NUMA1: variants seen among roughly 807,000 people sequenced by gnomAD.
NUMA1 encodes nuclear mitotic apparatus protein 1.
Under a neutral mutation model 237.1 loss-of-function variants are expected in NUMA1, and 62 were observed. That is an observed-to-expected ratio of 0.26 (90% CI 0.21 to 0.32). The LOEUF (loss-of-function observed/expected upper bound fraction) is 0.32, where lower values mean the gene tolerates loss of function less well. NUMA1 is among the 10% of genes least tolerant of loss of function. The pLI is 1.00. For synonymous variants in NUMA1, 1,028 were observed against 1,066.1 expected, an observed-to-expected ratio of 0.96 and a Z score of 0.70; for missense variants, 2,533 against 2,666.5, an observed-to-expected ratio of 0.95 and a Z score of 1.10.
chr11:72,064,748 G>A (rs555565788), intron 2 of NUMA1, among the ~76,000 whole-genome samples: 1 of 152,126 alleles, frequency 6.6e-6, no homozygotes, highest in African/African-American at 2.4e-5. Flanking sequence ...TAGGAGGATT[G>A]CTTGAGCCCA....
At chr11:72,024,434 T>G in intron 4 of NUMA1, 81 bp from the exon 5 acceptor site, 2 of 1,184,150 alleles carry the variant, frequency 1.7e-6, no homozygotes, top group Non-Finnish European at 2.5e-6. Context: ...TACCTCCCCA[T>G]TCCTTCCAGT....
intron 2 of NUMA1, chr11:72,049,451 G>A (rs1447680619): frequency 3.3e-5 from 5 of 149,952 alleles, no homozygotes; most frequent in African/African-American, 9.8e-5. Context: ...GCTCATGCTT[G>A]TAATCCCGGC....
chr11:72,038,464 C>T (rs565356281), intron 2 of NUMA1, among the ~76,000 whole-genome samples: 7 of 152,310 alleles, frequency 4.6e-5, no homozygotes, highest in African/African-American at 1.7e-4. Flanking sequence ...GAGGTACTTT[C>T]CTAGAGACAG....
chr11:72,060,442 G>A (rs541998501), intron 2 of NUMA1, among the ~76,000 whole-genome samples: 23 of 152,174 alleles, frequency 1.5e-4, no homozygotes, highest in Admixed American at 3.3e-4. Flanking sequence ...CCAGGAGTTC[G>A]AGACCAACCT....
In NUMA1 at chr11:72,036,099, A is replaced by C. The variant is rs989642090; in HGVS notation, c.-32-124T>G. On this transcript the variant is annotated intron_variant, in intron 2 of 26. Coordinates refer to ENST00000393695, the MANE Select transcript of NUMA1 (RefSeq NM_006185.4). ...AAATCACTCTTCACTGAATCCACCA[A>C]GACACCATGGGAATTTTTAGAAAGC... 4.3e-6 allele frequency: 3 copies of C among 702,310 alleles called. No homozygotes were observed. The African/African-American group carries it at 5.4e-5, about 13-fold the overall frequency. The allele number at this position is 702,310 out of a possible 1,614,324, so 43.5% of individuals were successfully genotyped here. A position where few individuals can be genotyped will look rare whatever the true frequency, so the allele number is the denominator to read the frequency against.
intron 2 of NUMA1, among the ~76,000 whole-genome samples, chr11:72,049,823 T>TA (rs1942242025): frequency 6.7e-6 from 1 of 150,176 alleles, no homozygotes; most frequent in Admixed American, 6.7e-5. Context: ...ACCCTGTCTC[T>TA]AAAAAAATAA....
At chr11:72,022,869 G>C (rs1555019428) in intron 6 of NUMA1, among the ~76,000 whole-genome samples, 196 bp downstream of exon 6, 1 of 151,894 alleles carries the variant, frequency 6.6e-6, no homozygotes, top group Non-Finnish European at 1.5e-5. Context: ...TAAGATCATG[G>C]GCTCCTAGAA....
chr11:72,005,152 T>C, intron 23 of NUMA1, 81 bp downstream of exon 23: 2 of 1,421,082 alleles, frequency 1.4e-6, no homozygotes, highest in South Asian at 1.4e-5. Context: ...TCCAGGGCCC[T>C]AGTGCTCAGG....
chr11:72,013,207 G>A lies in NUMA1; in HGVS notation c.4296C>T (p.Ser1432=). 6.2e-7 allele frequency: 1 copy of A among 1,610,924 alleles called. No individual in the cohort carries two copies. Among genetic ancestry groups the A allele is most frequent in the East Asian group, 2.2e-5 (1 of 44,878 alleles). Residue 1432 remains serine (S), a synonymous_variant, in exon 15 of 27, where the codon AGC becomes AGT. Coordinates refer to ENST00000393695, the MANE Select transcript of NUMA1 (RefSeq NM_006185.4). The surrounding 1 kb of genome is among the most constrained non-coding windows in gnomAD (Gnocchi z 6.8). ...TAQQLRAEKA[S]YAEQLSMLKK... ...TCAGCATGCTCAGCTGCTCTGCATAGCTGGCCTTCTCTGCCCGCAGCTGCT... is the reference window on the plus strand; with the variant it reads ...TCAGCATGCTCAGCTGCTCTGCATAACTGGCCTTCTCTGCCCGCAGCTGCT...
intron 1 of NUMA1, among the ~76,000 whole-genome samples, chr11:72,077,905 C>T (rs1276854038): frequency 6.7e-6 from 1 of 149,720 alleles, no homozygotes; most frequent in Non-Finnish European, 1.5e-5. Flanking sequence ...ACTGGACAAA[C>T]ATCTGAAGGA....
In NUMA1 at chr11:72,019,735, A is replaced by G. The variant is rs1371654270; in HGVS notation, c.461-118T>C. 2.7e-6 allele frequency: 3 copies of G among 1,101,104 alleles called. No individual in the cohort carries two copies. In the African/African-American group the frequency reaches 4.7e-5, roughly 17 times the overall value. 68.2% of individuals were successfully genotyped at this position (1,101,104 alleles called of 1,614,324 possible). On this transcript the variant is annotated intron_variant, in intron 8 of 26. Transcript: ENST00000393695. ...TGGGAGTATATCCATGGATACTTAT[A>G]TGTAAACTACCAAGGAAGGCACTGG...
chr11:72,015,974 A>T lies in NUMA1; in HGVS notation c.1529T>A (p.Leu510His). 1 of 1,613,978 alleles carries T rather than the reference A, an allele frequency of 6.2e-7. No homozygotes were observed. The highest frequency in any genetic ancestry group is 8.5e-7 in the Non-Finnish European group (1 of 1,180,006). The stretch of plus-strand genomic sequence containing the variant: ...ATCCTGTTGCTGGATGGTGGCATTG[A>T]GTGTGGTGAGCTCAGAGGTCAGAGA... ...VASLTSELTT[L>H]NATIQQQDQE... The change falls in exon 15 of 27, where the codon CTC becomes CAC. Residue 510 changes from leucine to histidine, a missense_variant. Around this residue, in one of 3 missense-constraint regions of NUMA1, gnomAD observed 1,414 missense variants for 1,508.1 expected, o/e 0.94. Transcript: ENST00000393695. The surrounding 1 kb of genome is among the most constrained non-coding windows in gnomAD (Gnocchi z 4.0).
At chr11:72,005,526 C>T in intron 22 of NUMA1, 157 bp from the exon 23 acceptor site, 1 of 645,202 alleles carries the variant, frequency 1.5e-6, no homozygotes, top group South Asian at 2.0e-5. Context: ...GTACGGCACA[C>T]AGACTATTTC....
chr11:72,005,309 T>A lies in NUMA1; in HGVS notation c.5753A>T (p.Asn1918Ile). The A allele has an allele frequency of 6.2e-7, 1 of 1,608,430 alleles. No homozygotes were observed. The highest frequency in any genetic ancestry group is 8.5e-7 in the Non-Finnish European group (1 of 1,177,440). ...GCGCTGCTGCAGCTCTGCAATGCGGTTCCAGTCATCCAGCTGCTCAGGCTC... is the reference window on the plus strand; with the variant it reads ...GCGCTGCTGCAGCTCTGCAATGCGGATCCAGTCATCCAGCTGCTCAGGCTC... ...QDEPEQLDDW[N>I]RIAELQQRNR... is the part of the protein sequence containing the mutation. The change falls in exon 23 of 27, where the codon AAC becomes ATC. Residue 1918 changes from asparagine (N) to isoleucine (I), a missense_variant. By Grantham distance (149) the Asn-to-Ile change is moderately radical (BLOSUM62 -3). Transcript: ENST00000393695.
intron 2 of NUMA1, among the ~76,000 whole-genome samples, chr11:72,064,690 G>T (rs989088817): frequency 1.3e-5 from 2 of 151,926 alleles, no homozygotes; most frequent in Non-Finnish European, 2.9e-5. Flanking sequence ...AAAATTAGCC[G>T]GGCATGGTGG....
intron 2 of NUMA1, among the ~76,000 whole-genome samples, chr11:72,064,732 C>T (rs938927312): frequency 2.6e-5 from 4 of 152,212 alleles, no homozygotes; most frequent in East Asian, 1.9e-4. Context: ...ATTTGGGAGG[C>T]TGAGGTAGGA....
chr11:72,013,127 T>C lies in NUMA1; in HGVS notation c.4376A>G (p.Asn1459Ser). The C allele has an allele frequency of 6.2e-7, 1 of 1,614,132 alleles. No homozygotes were observed. Residue 1459 changes from asparagine (N) to serine (S), a missense_variant, in exon 15 of 27, where the codon AAC becomes AGC. Transcript: ENST00000393695. The surrounding 1 kb of genome is among the most constrained non-coding windows in gnomAD (Gnocchi z 6.8). The part of the protein sequence containing the change: ...EENRGLGERA[N>S]LGRQFLEVEL... ...CACTTCCAGAAACTGCCGGCCAAGG[T>C]TGGCCCGCTCACCCAGCCCCCGGTT...
intron 2 of NUMA1, among the ~76,000 whole-genome samples, chr11:72,056,052 G>A (rs1942619942): frequency 6.6e-6 from 1 of 151,836 alleles, no homozygotes; most frequent in Admixed American, 6.6e-5. Flanking sequence ...AGAAGGCTGA[G>A]GCACAAGAAT....
Position 72,015,890 on chromosome 11 carries a change from G to C in NUMA1, c.1613C>G (p.Thr538Ser). Residue 538 changes from threonine to serine, a missense_variant, in exon 15 of 27, where the codon ACC (threonine) becomes AGC (serine). Thr to Ser is a moderately conservative substitution (Grantham distance 58). Around this residue, in one of 3 missense-constraint regions of NUMA1, gnomAD observed 1,414 missense variants for 1,508.1 expected, o/e 0.94. Transcript: ENST00000393695. The surrounding 1 kb of genome is among the most constrained non-coding windows in gnomAD (Gnocchi z 4.0). ...GGAGGCCTGTTCTTGCTGTTGGAGGGTCTGTGCTAGCTGGGCCTGCTTCTC... is the reference window on the plus strand; with the variant it reads ...GGAGGCCTGTTCTTGCTGTTGGAGGCTCTGTGCTAGCTGGGCCTGCTTCTC... ...AKEKQAQLAQ[T>S]LQQQEQASQG... The C allele has an allele frequency of 6.2e-7, 1 of 1,614,152 alleles. No homozygotes were observed. The highest frequency in any genetic ancestry group is 1.1e-5 in the South Asian group (1 of 91,076).
Sources: allele counts gnomAD v4.1 joint callset (sites outside exome capture counted in the v4.1 genomes callset), GRCh38; gene constraint gnomAD v4.1.1; regional missense constraint gnomAD v4.1.1; non-coding constraint Gnocchi (gnomAD v3.1); transcripts MANE v1.5; gene names NCBI Gene and HGNC (gene_info 2026-07-23, HGNC 2026-07-21).